Variants in CCDC125 observed in about 807,000 individuals in gnomAD.
CCDC125 encodes the protein coiled-coil domain-containing protein 125.
A neutral mutation model predicts 57.4 loss-of-function variants in CCDC125; 43 were observed. The ratio of observed to expected loss-of-function variants is 0.75; its 90% CI spans 0.59 to 0.97. The LOEUF is 0.97. CCDC125 is among the 50% of genes least tolerant of loss of function. CCDC125 has a pLI of 0.00. For missense variants in CCDC125, 563 were observed against 595.7 expected (o/e 0.95, Z 0.57); for synonymous variants, 187 against 195.2 (o/e 0.96, Z 0.35).
At position 69,285,372 on chromosome 5, in the gene CCDC125, T is replaced by C. The variant is rs756581721; in HGVS notation, c.1195A>G (p.Ser399Gly). Residue 399 changes from serine (S) to glycine (G), a missense_variant, in exon 11 of 12, where the codon AGT (serine) becomes GGT (glycine). By Grantham distance (56) the Ser-to-Gly change is moderately conservative (BLOSUM62 0). Transcript: ENST00000396496. ...AGCATCTTAAGGACCTCTTGAGGAC[T>C]GTCCTGGTCTTCCATCCTCTTAGAA... ...NSSKRMEDQDSPQEVLKMLID... is the reference protein window; with the variant it reads ...NSSKRMEDQDGPQEVLKMLID... The C allele has an allele frequency of 5.6e-6, 9 of 1,612,092 alleles. No homozygotes were observed. The highest frequency in any genetic ancestry group is 5.1e-6 in the Non-Finnish European group (6 of 1,179,418).
At chr5:69,273,039 C>G in the CCDC125 span, 1 of 1,529,060 alleles carries the variant, frequency 6.5e-7, no homozygotes, top group Non-Finnish European at 8.9e-7. Context: ...TACGGCCACA[C>G]AGGTATTTTG....
intron 5 of CCDC125, chr5:69,307,750 G>C (rs1757561689): frequency 1.8e-6 from 1 of 562,910 alleles, no homozygotes; most frequent in African/African-American, 1.9e-5. Flanking sequence ...CTTAACATGG[G>C]GAAATAAAAA....
intron 4 of CCDC125, chr5:69,309,684 G>T (rs1404321227): frequency 6.6e-6 from 1 of 152,276 alleles, no homozygotes; most frequent in Non-Finnish European, 1.5e-5. Flanking sequence ...CTGCCTAGTG[G>T]AGCTATGAGA....
chr5:69,294,194 C>T, intron 9 of CCDC125: 4 of 926,572 alleles, frequency 4.3e-6, no homozygotes, highest in Non-Finnish European at 5.2e-6. Flanking sequence ...CATTTTCCTT[C>T]TATTATATAG....
intron 1 of CCDC125, among the ~76,000 whole-genome samples, chr5:69,330,964 C>T (rs575938350): frequency 1.0e-3 from 159 of 152,074 alleles, no homozygotes; most frequent in African/African-American, 3.7e-3. Flanking sequence ...CCATGGCTCC[C>T]ATGGCATGTA....
chr5:69,276,894 C>A (rs982156332), downstream of CCDC125, among the ~76,000 whole-genome samples: 5 of 152,176 alleles, frequency 3.3e-5, no homozygotes, highest in African/African-American at 1.2e-4. Context: ...TTTGTGTATA[C>A]CTCAGAATTA....
At chr5:69,329,499 C>CT (rs535306741) in intron 1 of CCDC125, among the ~76,000 whole-genome samples, 31,435 of 95,316 alleles carry the variant, frequency 0.33, 6,769 homozygotes, top group East Asian at 0.45. Context: ...GGATTCAAGT[C>CT]TTTTTTTTTT....
intron 5 of CCDC125, chr5:69,307,526 C>CA (rs1757508141): frequency 1.2e-5 from 2 of 163,164 alleles, no homozygotes; most frequent in East Asian, 1.7e-4. Flanking sequence ...ACTAAAAATA[C>CA]AAAAAATTGG....
intron 2 of CCDC125, among the ~76,000 whole-genome samples, chr5:69,318,778 AT>A: frequency 6.6e-6 from 1 of 151,914 alleles, no homozygotes; most frequent in East Asian, 1.9e-4. Flanking sequence ...AAAATAAAAA[AT>A]AAAAAGAAAA....
At chr5:69,301,354 C>A (rs1396075072) in intron 7 of CCDC125, among the ~76,000 whole-genome samples, 1 of 152,090 alleles carries the variant, frequency 6.6e-6, no homozygotes, top group Non-Finnish European at 1.5e-5. Flanking sequence ...ATTTTTAGGG[C>A]TGGGTGCAGT....
At chr5:69,288,936 C>A (rs1037172400) in intron 10 of CCDC125, among the ~76,000 whole-genome samples, 2 of 152,220 alleles carry the variant, frequency 1.3e-5, no homozygotes, top group Non-Finnish European at 2.9e-5. Flanking sequence ...TAGGAAAACA[C>A]TTTGGTTTCC....
intron 1 of CCDC125, among the ~76,000 whole-genome samples, chr5:69,331,848 C>T (rs1761462055): frequency 6.6e-6 from 1 of 152,240 alleles, no homozygotes; most frequent in Non-Finnish European, 1.5e-5. Flanking sequence ...ATTTCTTCCA[C>T]ATCTGAGTCT....
intron 1 of CCDC125, among the ~76,000 whole-genome samples, chr5:69,321,923 G>A (rs999287386): frequency 2.0e-5 from 3 of 151,830 alleles, no homozygotes; most frequent in East Asian, 1.9e-4. Flanking sequence ...CACAAACTCC[G>A]CCTCCCGGGT....
intron 10 of CCDC125, among the ~76,000 whole-genome samples, chr5:69,286,234 A>ATATATATATATATATAT (rs1554071341): frequency 2.1e-5 from 1 of 48,398 alleles, no homozygotes; most frequent in Non-Finnish European, 3.9e-5. Flanking sequence ...ATATATATAT[A>ATATATATATATATATAT]ATTTTTTTTT....
At chr5:69,312,081 T>C (rs757515575) in intron 3 of CCDC125, among the ~76,000 whole-genome samples, 2 of 152,124 alleles carry the variant, frequency 1.3e-5, no homozygotes, top group Admixed American at 6.5e-5. Flanking sequence ...TAGTTCCTTA[T>C]GTAGGGACTC....
At chr5:69,288,726 C>T (rs1191372834) in intron 10 of CCDC125, among the ~76,000 whole-genome samples, 2 of 152,204 alleles carry the variant, frequency 1.3e-5, no homozygotes, top group Non-Finnish European at 1.5e-5. Flanking sequence ...GCAGAGACAA[C>T]TCTGTGCTTT....
Position 69,311,121 on chromosome 5 carries a change from G to C in CCDC125, c.450C>G (p.Ser150Arg), listed in dbSNP as rs201603884. 1.3e-6 allele frequency: 2 copies of C among 1,594,530 alleles called. No individual in the cohort carries two copies. Among genetic ancestry groups the C allele is most frequent in the African/African-American group, 2.7e-5 (2 of 74,592 alleles). Residue 150 changes from serine (S) to arginine (R), a missense_variant, in exon 4 of 12, where the codon AGC (serine) becomes AGG (arginine). Ser to Arg is a moderately radical substitution (Grantham distance 110). Transcript: ENST00000396496. ...GKEEALKILQ[S>R]MAILGKATSH... ...AAGTTTAAAAACAACTTCTTACCAT[G>C]CTTTGAAGAATTTTCAATGCTTCCT...
At chr5:69,322,886 T>C (rs1760256047) in intron 1 of CCDC125, among the ~76,000 whole-genome samples, 1 of 151,816 alleles carries the variant, frequency 6.6e-6, no homozygotes. Context: ...AATTAGCTGG[T>C]GGCACACGCC....
intron 1 of CCDC125, among the ~76,000 whole-genome samples, chr5:69,324,555 A>C (rs1006589375): frequency 6.6e-6 from 1 of 152,236 alleles, no homozygotes; most frequent in Non-Finnish European, 1.5e-5. Context: ...CAAAAATTGG[A>C]AACAACCCAA....
Sources: gnomAD v4.1 joint callset for allele counts (sites outside exome capture counted in the v4.1 genomes callset) on GRCh38, gnomAD v4.1.1 for gene constraint, MANE v1.5 for transcripts, NCBI Gene and HGNC (gene_info 2026-07-23, HGNC 2026-07-21) for gene names.